Variants in HS3ST5 observed in about 807,000 individuals in gnomAD.
HS3ST5 encodes the protein heparan sulfate glucosamine 3-O-sulfotransferase 5.
Under a neutral mutation model 25.4 loss-of-function variants are expected in HS3ST5, and 10 were observed. That is an observed-to-expected ratio of 0.39 (90% CI 0.24 to 0.67). HS3ST5 has a LOEUF of 0.67. Ranked by LOEUF, HS3ST5 falls within the 30% of genes least tolerant of loss-of-function variation. The pLI is 0.44. For missense variants in HS3ST5, 324 were observed against 420.7 expected (o/e 0.77, Z 2.01); for synonymous variants, 170 against 162.4 (o/e 1.05, Z -0.36).
At chr6:114,122,160 G>A (rs528355496) in intron 3 of HS3ST5, among the ~76,000 whole-genome samples, 4 of 152,208 alleles carry the variant, frequency 2.6e-5, no homozygotes, top group Admixed American at 2.6e-4. Context: ...GCCTTGCTAA[G>A]CTGACAGTTT....
intron 3 of HS3ST5, among the ~76,000 whole-genome samples, chr6:114,104,576 C>T (rs1775899374): frequency 6.6e-6 from 1 of 152,166 alleles, no homozygotes; most frequent in African/African-American, 2.4e-5. Context: ...TATTCTGGCA[C>T]TTTACTCGGT....
intron 1 of HS3ST5, among the ~76,000 whole-genome samples, chr6:114,303,565 A>G (rs913963859): frequency 6.6e-5 from 10 of 152,098 alleles, no homozygotes; most frequent in African/African-American, 2.4e-4. Flanking sequence ...AGAATATAAG[A>G]AAAGGCTCTG....
intron 1 of HS3ST5, among the ~76,000 whole-genome samples, chr6:114,260,223 T>G (rs977975186): frequency 6.6e-6 from 1 of 152,166 alleles, no homozygotes; most frequent in Non-Finnish European, 1.5e-5. Flanking sequence ...TCTATTCTAA[T>G]ATGGCAAACT....
intron 1 of HS3ST5, among the ~76,000 whole-genome samples, chr6:114,270,943 G>GT (rs545077565): frequency 2.1e-3 from 319 of 149,600 alleles, no homozygotes; most frequent in Non-Finnish European, 3.3e-3. Context: ...TAGGTTCCAT[G>GT]TTTTTTTTTT....
chr6:114,209,793 G>T (rs1424393967), intron 2 of HS3ST5, among the ~76,000 whole-genome samples: 1 of 152,160 alleles, frequency 6.6e-6, no homozygotes, highest in African/African-American at 2.4e-5. Flanking sequence ...GGAGAGGGAA[G>T]AAAGGGAGTG....
At chr6:114,328,424 T>C (rs1562277430) in intron 1 of HS3ST5, among the ~76,000 whole-genome samples, 2 of 152,086 alleles carry the variant, frequency 1.3e-5, no homozygotes, top group Non-Finnish European at 2.9e-5. Context: ...TGACACACAA[T>C]CCCAGAATGG....
intron 2 of HS3ST5, among the ~76,000 whole-genome samples, chr6:114,214,436 T>C (rs749940813): frequency 2.6e-5 from 4 of 152,216 alleles, no homozygotes; most frequent in Non-Finnish European, 5.9e-5. Context: ...TACTCTTTCA[T>C]GACCTTGACA....
Position 114,148,389 on chromosome 6 carries a change from C to A in HS3ST5, c.-33+19962G>T, listed in dbSNP as rs143362789. ...ATCCCAGCACTTTGGGAAGCCAAGG[C>A]GGGTGGATCACCTGAGGTCAGGAGT... is the stretch of plus-strand genomic sequence containing the variant. On this transcript the variant is annotated intron_variant, in intron 3 of 4. Coordinates refer to ENST00000312719, the MANE Select transcript of HS3ST5 (RefSeq NM_153612.4). Among the ~76,000 whole-genome samples, 1,095 of 152,230 alleles carry A rather than the reference C, an allele frequency of 7.2e-3. 14 individuals are homozygous for A. Among genetic ancestry groups the A allele is most frequent in the African/African-American group, 0.024 (1,009 of 41,530 alleles).
chr6:114,259,405 T>G (rs140570319), intron 1 of HS3ST5, among the ~76,000 whole-genome samples: 12 of 152,310 alleles, frequency 7.9e-5, no homozygotes, highest in African/African-American at 1.7e-4. Flanking sequence ...TAAATATACA[T>G]CATGTTTCCC....
At chr6:114,127,883 TAGAG>T (rs1052941552) in intron 3 of HS3ST5, among the ~76,000 whole-genome samples, 26 of 150,132 alleles carry the variant, frequency 1.7e-4, no homozygotes, top group African/African-American at 4.6e-4. Flanking sequence ...GACTTATATA[TAGAG>T]AGAGAGAGAC....
At chr6:114,214,472 A>G (rs1190712028) in intron 2 of HS3ST5, among the ~76,000 whole-genome samples, 1 of 152,078 alleles carries the variant, frequency 6.6e-6, no homozygotes, top group African/African-American at 2.4e-5. Context: ...ATAGCCTTAC[A>G]TTTGGACATG....
chr6:114,166,129 C>T (rs1779199336), intron 3 of HS3ST5, among the ~76,000 whole-genome samples: 1 of 152,096 alleles, frequency 6.6e-6, no homozygotes, highest in Non-Finnish European at 1.5e-5. Flanking sequence ...ATCTTTCATC[C>T]TTCTAATCCC....
chr6:114,250,438 G>A (rs1030740631), intron 1 of HS3ST5, among the ~76,000 whole-genome samples: 12 of 151,986 alleles, frequency 7.9e-5, no homozygotes, highest in South Asian at 2.1e-4. Flanking sequence ...AAAATTAGTC[G>A]GGCGTGGTGG....
At chr6:114,095,803 T>C (rs1775394205) in intron 3 of HS3ST5, among the ~76,000 whole-genome samples, 1 of 152,146 alleles carries the variant, frequency 6.6e-6, no homozygotes, top group African/African-American at 2.4e-5. Flanking sequence ...TCTACTAGTA[T>C]TTAGGATAAA....
At chr6:114,168,055 C>A (rs1779299246) in intron 3 of HS3ST5, among the ~76,000 whole-genome samples, 1 of 151,848 alleles carries the variant, frequency 6.6e-6, no homozygotes, top group South Asian at 2.1e-4. Context: ...CAAACACACA[C>A]ACAAACAAAA....
chr6:114,102,352 T>G (rs1202556351), intron 3 of HS3ST5, among the ~76,000 whole-genome samples: 1 of 152,192 alleles, frequency 6.6e-6, no homozygotes, highest in African/African-American at 2.4e-5. Context: ...TTCCGGAATC[T>G]CTGTCATTCG....
At chr6:114,146,733 G>C (rs929171588) in intron 3 of HS3ST5, among the ~76,000 whole-genome samples, 15 of 152,116 alleles carry the variant, frequency 9.9e-5, no homozygotes, top group Non-Finnish European at 1.5e-4. Context: ...TGCAATATTT[G>C]ATGAGGTCTC....
intron 3 of HS3ST5, among the ~76,000 whole-genome samples, chr6:114,115,213 T>A (rs143891633): frequency 6.6e-6 from 1 of 152,266 alleles, no homozygotes; most frequent in East Asian, 1.9e-4. Context: ...AAGGGTATGT[T>A]CATTTTCCTG....
chr6:114,212,093 T>C (rs921883958), intron 2 of HS3ST5, among the ~76,000 whole-genome samples: 1 of 152,212 alleles, frequency 6.6e-6, no homozygotes, highest in African/African-American at 2.4e-5. Context: ...GGGTTTGTGT[T>C]AATGGAGTCC....
Sources: allele counts gnomAD v4.1 joint callset (sites outside exome capture counted in the v4.1 genomes callset), GRCh38; gene constraint gnomAD v4.1.1; transcripts MANE v1.5; gene names NCBI Gene and HGNC (gene_info 2026-07-23, HGNC 2026-07-21).